Variants in OR52N2 observed in about 807,000 individuals in gnomAD.
OR52N2 encodes the protein olfactory receptor family 52 subfamily N member 2.
For missense variants in OR52N2, 326 were observed against 196.6 expected (o/e 1.66, Z -3.94); for synonymous variants, 129 against 72.0 (o/e 1.79, Z -4.01).
intron 1 of OR52N2, among the ~76,000 whole-genome samples, chr11:5,810,142 G>C (rs1432608963): frequency 6.6e-6 from 1 of 152,186 alleles, no homozygotes; most frequent in African/African-American, 2.4e-5. Context: ...CAATCTCCCT[G>C]CCTGAATAGG....
At position 5,820,707 on chromosome 11, in the gene OR52N2, C is replaced by T. The variant is rs368277742; in HGVS notation, c.372C>T (p.Arg124=). The change falls in exon 2 of 2, where the codon CGC becomes CGT. Residue 124 remains arginine, a synonymous_variant. Transcript: ENST00000317037. ...TGCTCATGCTCATGGCCCTGGACCG[C>T]TATGTGGCCATCTGCTACCCCTTAC... ...SGVLMLMALD[R]YVAICYPLRY... is the part of the protein sequence containing the mutation. 2 of 792,366 alleles carry T rather than the reference C, an allele frequency of 2.5e-6. No homozygotes were observed. The highest frequency in any genetic ancestry group is 4.7e-6 in the Non-Finnish European group (2 of 429,302). 49.1% of individuals were successfully genotyped at this position (792,366 alleles called of 1,614,324 possible). A position where few individuals can be genotyped will look rare whatever the true frequency, so the allele number is the denominator to read the frequency against.
intron 1 of OR52N2, among the ~76,000 whole-genome samples, chr11:5,811,609 T>C (rs985107854): frequency 6.6e-6 from 1 of 151,990 alleles, no homozygotes; most frequent in Non-Finnish European, 1.5e-5. Context: ...AGCACACTAT[T>C]AGAGAAAATT....
intron 1 of OR52N2, among the ~76,000 whole-genome samples, chr11:5,819,699 T>C (rs567975602): frequency 2.5e-4 from 38 of 152,340 alleles, no homozygotes; most frequent in Admixed American, 2.5e-3. Context: ...ATTCACTCAT[T>C]CACATATATT....
chr11:5,814,635 A>T (rs184340361), intron 1 of OR52N2, among the ~76,000 whole-genome samples: 177 of 152,300 alleles, frequency 1.2e-3, no homozygotes, highest in African/African-American at 4.2e-3. Context: ...TATTGTTAGG[A>T]TGTCAGTACA....
At position 5,820,974 on chromosome 11, in the gene OR52N2, C is replaced by G. The variant is rs763065868; in HGVS notation, c.639C>G (p.Ile213Met). Residue 213 changes from isoleucine (I) to methionine (M), a missense_variant, in exon 2 of 2, where the codon ATC (isoleucine) becomes ATG (methionine). Coordinates refer to ENST00000317037, the MANE Select transcript of OR52N2 (RefSeq NM_001005174.3). ...CTCTCCTGATTGGTGTGTTTGATAT[C>G]TGCTGTATCTCTGTATCTTACACTA... Reference protein sequence around the residue: ...MVALLIGVFDICCISVSYTMI... With the variant: ...MVALLIGVFDMCCISVSYTMI... 31 of 780,956 alleles carry G rather than the reference C, an allele frequency of 4.0e-5. 1 individual carries two copies. The South Asian group carries it at 4.2e-4, about 10-fold the overall frequency. The allele number at this position is 780,956 out of a possible 1,614,324, so 48.4% of individuals were successfully genotyped here.
intron 1 of OR52N2, among the ~76,000 whole-genome samples, chr11:5,817,897 T>C (rs1248179566): frequency 6.6e-6 from 1 of 152,140 alleles, no homozygotes; most frequent in Non-Finnish European, 1.5e-5. Context: ...ATGATTAAAT[T>C]TGGTACAGCT....
chr11:5,815,886 G>C (rs1290796613), intron 1 of OR52N2, among the ~76,000 whole-genome samples: 1 of 151,418 alleles, frequency 6.6e-6, no homozygotes, highest in Non-Finnish European at 1.5e-5. Context: ...GTATGTGTAT[G>C]TGTGTATATA....
In OR52N2 at chr11:5,809,048, C is replaced by G. The variant is rs1372000232; in HGVS notation, c.-61C>G. Reference sequence around the variant, plus strand: ...CGCAACGGGGCATTGGAATGCGTCTCCCCTGGGTAGGATGACTGAAGATCC... The same window carrying G: ...CGCAACGGGGCATTGGAATGCGTCTGCCCTGGGTAGGATGACTGAAGATCC... On this transcript the variant is annotated 5_prime_UTR_variant, in exon 1 of 2. Coordinates refer to ENST00000317037, the MANE Select transcript of OR52N2 (RefSeq NM_001005174.3). 1.3e-5 allele frequency among the ~76,000 whole-genome samples: 2 copies of G among 152,122 alleles called. No homozygotes were observed. The highest frequency in any genetic ancestry group is 2.9e-5 in the Non-Finnish European group (2 of 68,014).
intron 1 of OR52N2, among the ~76,000 whole-genome samples, chr11:5,819,474 G>A (rs1268939149): frequency 6.6e-6 from 1 of 152,156 alleles, no homozygotes; most frequent in Non-Finnish European, 1.5e-5. Context: ...GGGAACTTGT[G>A]AAAAGATAGA....
chr11:5,818,787 A>G (rs183714530), intron 1 of OR52N2, among the ~76,000 whole-genome samples: 2 of 152,280 alleles, frequency 1.3e-5, no homozygotes, highest in Non-Finnish European at 2.9e-5. Flanking sequence ...CACATAAAAG[A>G]TGGTAGACAC....
At position 5,812,427 on chromosome 11, in the gene OR52N2, G is replaced by A. The variant is rs1259378387; in HGVS notation, c.-55+3373G>A. Among the ~76,000 whole-genome samples, 43 of 148,500 alleles carry A rather than the reference G, an allele frequency of 2.9e-4. 1 individual carries two copies. Among genetic ancestry groups the A allele is most frequent in the Non-Finnish European group, 5.5e-4 (37 of 67,372 alleles). Reference sequence around the variant, plus strand: ...GGAGAATGGCGTGAACCCAGGAGGCGGAGCTTGCAGTGAGCCGAGATCCTG... The same window carrying A: ...GGAGAATGGCGTGAACCCAGGAGGCAGAGCTTGCAGTGAGCCGAGATCCTG... On this transcript the variant is annotated intron_variant, in intron 1 of 1. Transcript: ENST00000317037.
rs779841070 is a variant in OR52N2, at chr11:5,821,041, C to T, written c.706C>T (p.Arg236Cys). The change falls in exon 2 of 2, where the codon CGT becomes TGT. Residue 236 changes from arginine to cysteine, a missense_variant. Arg to Cys is a radical substitution (Grantham distance 180). Transcript: ENST00000317037. ...TATGAGCCTGTCATCAGCAGATGCT[C>T]GTCACAAAGCCTTCAGCACCTGCAC... is the stretch of plus-strand genomic sequence containing the variant. ...AVMSLSSADA[R>C]HKAFSTCTSH... 6 of 780,930 alleles carry T rather than the reference C, an allele frequency of 7.7e-6. No homozygotes were observed. Among genetic ancestry groups the T allele is most frequent in the Middle Eastern group, 2.3e-4 (1 of 4,440 alleles). 48.4% of individuals were successfully genotyped at this position (780,930 alleles called of 1,614,324 possible).
In OR52N2 at chr11:5,821,297, A is replaced by G. The variant is rs1487712976; in HGVS notation, c.962A>G (p.Lys321Arg). 2 of 776,310 alleles carry G rather than the reference A, an allele frequency of 2.6e-6. No individual in the cohort carries two copies. Among genetic ancestry groups the G allele is most frequent in the Non-Finnish European group, 4.8e-6 (2 of 416,706 alleles). 48.1% of individuals were successfully genotyped at this position (776,310 alleles called of 1,614,324 possible). A position where few individuals can be genotyped will look rare whatever the true frequency, so the allele number is the denominator to read the frequency against. The change falls in exon 2 of 2, where the codon AAA becomes AGA. Residue 321 changes from lysine (K) to arginine (R), a missense_variant. Transcript: ENST00000317037. ...GACAAGGTTAGTTTTACCTATGACA[A>G]ATGAAACATAGAATAGACATATTGT... ...LGDKVSFTYD[K>R]
intron 1 of OR52N2, among the ~76,000 whole-genome samples, chr11:5,813,760 G>A (rs1042112208): frequency 1.3e-5 from 2 of 152,092 alleles, no homozygotes; most frequent in African/African-American, 2.4e-5. Flanking sequence ...TTAAACAGAT[G>A]CAAAAATCCT....
At position 5,820,742 on chromosome 11, in the gene OR52N2, C is replaced by A; in HGVS notation, c.407C>A (p.Thr136Asn). Residue 136 changes from threonine to asparagine, a missense_variant, in exon 2 of 2, where the codon ACC (threonine) becomes AAC (asparagine). Transcript: ENST00000317037. ...VAICYPLRYA[T>N]ILTNPVIAKA... ...ATCTGCTACCCCTTACGCTATGCCA[C>A]CATCCTTACCAACCCTGTCATCGCC... 2.6e-6 allele frequency: 2 copies of A among 778,288 alleles called. No individual in the cohort carries two copies. The highest frequency in any genetic ancestry group is 4.8e-6 in the Non-Finnish European group (2 of 419,600). 48.2% of individuals were successfully genotyped at this position (778,288 alleles called of 1,614,324 possible).
At chr11:5,816,543 ATCT>A (rs1846406037) in intron 1 of OR52N2, among the ~76,000 whole-genome samples, 1 of 140,812 alleles carries the variant, frequency 7.1e-6, no homozygotes, top group Non-Finnish European at 1.6e-5. Context: ...CCTGATCTAA[ATCT>A]TCTTTTTTTG....
chr11:5,820,260 A>T, intron 1 of OR52N2, 22 bp from the exon 2 acceptor site: 1 of 729,286 alleles, frequency 1.4e-6, no homozygotes, highest in South Asian at 1.5e-5. Context: ...CTCGTCTCTA[A>T]CTCTCCCTCT....
chr11:5,810,870 A>G (rs892020101), intron 1 of OR52N2, among the ~76,000 whole-genome samples: 1 of 152,106 alleles, frequency 6.6e-6, no homozygotes, highest in African/African-American at 2.4e-5. Flanking sequence ...GATGTCAGGT[A>G]ATTTCATAGA....
At chr11:5,817,265 T>C (rs373672428) in intron 1 of OR52N2, among the ~76,000 whole-genome samples, 5 of 152,128 alleles carry the variant, frequency 3.3e-5, no homozygotes, top group East Asian at 3.9e-4. Flanking sequence ...AGTTTAAGTA[T>C]AGAAAAATTG....
Sources: allele counts gnomAD v4.1 joint callset (sites outside exome capture counted in the v4.1 genomes callset), GRCh38; gene constraint gnomAD v4.1.1; transcripts MANE v1.5; gene names NCBI Gene and HGNC (gene_info 2026-07-23, HGNC 2026-07-21).